BLTP1: variants seen among roughly 807,000 people sequenced by gnomAD.
BLTP1 encodes the protein bridge-like lipid transfer protein family member 1.
chr4:122,322,604 CA>C, the BLTP1 span, among the ~76,000 whole-genome samples: 1 of 151,930 alleles, frequency 6.6e-6, no homozygotes, highest in Admixed American at 6.6e-5. Context: ...CATGATTTAC[CA>C]AGTAAAAAGA....
chr4:122,230,439 G>A, the BLTP1 span, among the ~76,000 whole-genome samples: 1 of 152,140 alleles, frequency 6.6e-6, no homozygotes. Context: ...ATTTTCTGAT[G>A]TGTTTCTAAG....
the BLTP1 span, among the ~76,000 whole-genome samples, chr4:122,354,555 A>G: frequency 2.7e-5 from 4 of 149,478 alleles, no homozygotes; most frequent in African/African-American, 7.4e-5. Context: ...TGCTTTTGGG[A>G]TTTGGGTTTA....
the BLTP1 span, among the ~76,000 whole-genome samples, chr4:122,309,648 T>G: frequency 2.6e-5 from 4 of 152,130 alleles, no homozygotes; most frequent in Non-Finnish European, 5.9e-5. Flanking sequence ...GTAGTTTTGG[T>G]AAGTAAACCA....
chr4:122,208,468 T>C, the BLTP1 span: 3 of 974,382 alleles, frequency 3.1e-6, no homozygotes, highest in Non-Finnish European at 3.7e-6. Flanking sequence ...CAGTTCTGAA[T>C]TATTAAAAGC....
At chr4:122,321,979 A>ATTTTTTTTTTT in the BLTP1 span, among the ~76,000 whole-genome samples, 13 of 27,020 alleles carry the variant, frequency 4.8e-4, no homozygotes, top group African/African-American at 8.6e-4. Context: ...ACTACATGTA[A>ATTTTTTTTTTT]TTTTTTTTTT....
the BLTP1 span, chr4:122,201,119 CT>C: frequency 1.2e-6 from 2 of 1,607,816 alleles, no homozygotes; most frequent in South Asian, 2.2e-5. Flanking sequence ...AGAAAAACTT[CT>C]TTACAGGTAA....
chr4:122,305,013 G>A, the BLTP1 span: 11 of 1,552,560 alleles, frequency 7.1e-6, no homozygotes, highest in South Asian at 5.0e-5. Context: ...ATGTTAGAAC[G>A]ATGGCTTTTA....
chr4:122,208,382 C>G, the BLTP1 span: 1 of 984,328 alleles, frequency 1.0e-6, no homozygotes, highest in Non-Finnish European at 1.2e-6. Flanking sequence ...TGTTAAGAAA[C>G]TAGTCATCAA....
At chr4:122,269,316 T>C in the BLTP1 span, 1 of 600,406 alleles carries the variant, frequency 1.7e-6, no homozygotes, top group Non-Finnish European at 2.1e-6. Flanking sequence ...GCCTATTTAT[T>C]GGCCTAGTAA....
chr4:122,324,620 A>G, the BLTP1 span: 1 of 1,090,974 alleles, frequency 9.2e-7, no homozygotes, highest in Non-Finnish European at 1.3e-6. Flanking sequence ...TGTTCTAATT[A>G]TAAAATTAAG....
the BLTP1 span, chr4:122,214,201 G>A: frequency 2.3e-5 from 22 of 968,180 alleles, no homozygotes; most frequent in Admixed American, 4.9e-4. Flanking sequence ...CATTGGATAA[G>A]TATACATTTT....
At chr4:122,352,692 G>A in the BLTP1 span, among the ~76,000 whole-genome samples, 16 of 152,072 alleles carry the variant, frequency 1.1e-4, no homozygotes, top group African/African-American at 3.9e-4. Flanking sequence ...TTTTTAGCAA[G>A]TTACTACTTT....
chr4:122,176,258 G>A, the BLTP1 span, among the ~76,000 whole-genome samples: 9 of 151,676 alleles, frequency 5.9e-5, no homozygotes, highest in African/African-American at 2.2e-4. Context: ...AGCCAAGATC[G>A]TGCCACTGCA....
chr4:122,229,345 G>C, the BLTP1 span: 6 of 857,642 alleles, frequency 7.0e-6, no homozygotes, highest in African/African-American at 1.1e-4. Flanking sequence ...CTCACAGACA[G>C]CCACAAAATT....
the BLTP1 span, chr4:122,246,127 A>G: frequency 6.5e-7 from 1 of 1,537,464 alleles, no homozygotes; most frequent in Non-Finnish European, 8.7e-7. Context: ...AGCTTGTGAA[A>G]TAATTTCACT....
the BLTP1 span, chr4:122,243,023 A>G: frequency 6.2e-7 from 1 of 1,611,364 alleles, no homozygotes; most frequent in African/African-American, 1.3e-5. Flanking sequence ...CTCACAGCTA[A>G]TTCTTTGCTA....
the BLTP1 span, chr4:122,204,295 A>G: frequency 4.1e-6 from 4 of 971,178 alleles, no homozygotes; most frequent in African/African-American, 7.0e-5. Flanking sequence ...GTAATCAGAG[A>G]AAGTAAGGAA....
At chr4:122,196,603 A>T in the BLTP1 span, 1 of 1,543,844 alleles carries the variant, frequency 6.5e-7, no homozygotes, top group Non-Finnish European at 8.8e-7. Flanking sequence ...TTTGAATAAC[A>T]TGTCATTATT....
chr4:122,272,754 A>G, the BLTP1 span, among the ~76,000 whole-genome samples: 2 of 152,066 alleles, frequency 1.3e-5, no homozygotes, highest in Non-Finnish European at 2.9e-5. Flanking sequence ...TTTGTTAACT[A>G]CCATAGAAAT....
Sources: gnomAD v4.1 joint callset for allele counts (sites outside exome capture counted in the v4.1 genomes callset) on GRCh38, gnomAD v4.1.1 for gene constraint, MANE v1.5 for transcripts, NCBI Gene and HGNC (gene_info 2026-07-23, HGNC 2026-07-21) for gene names.